Variants in RABGAP1L observed in about 807,000 individuals in gnomAD.
The protein encoded by RABGAP1L is RAB GTPase activating protein 1 like, also known as rab GTPase-activating protein 1-like.
A neutral mutation model predicts 137.7 loss-of-function variants in RABGAP1L; 63 were observed. The ratio of observed to expected loss-of-function variants is 0.46; its 90% CI spans 0.37 to 0.56. The LOEUF (loss-of-function observed/expected upper bound fraction) is 0.56, where lower values mean the gene tolerates loss of function less well. RABGAP1L is among the 20% of genes least tolerant of loss of function. The probability of loss-of-function intolerance (pLI) is 0.00; values close to 1 mark genes in which losing one functional copy is unlikely to be tolerated. For missense variants in RABGAP1L, 1,095 were observed against 1,244.0 expected (o/e 0.88, Z 1.80); for synonymous variants, 431 against 433.7 (o/e 0.99, Z 0.08).
chr1:174,250,471 TTAGG>T lies in RABGAP1L; in HGVS notation c.718-1_720del. 2 of 1,600,818 alleles carry T rather than the reference TTAGG, an allele frequency of 1.2e-6. No homozygotes were observed. The highest frequency in any genetic ancestry group is 1.7e-6 in the Non-Finnish European group (2 of 1,172,362). ...TAATGGTATTTCCTTTTTTATTCTT[TTAGG>T]TAAGCAGAATTTTGTACAGTTTCTG... On this transcript the variant is annotated splice_acceptor_variant and splice_polypyrimidine_tract_variant and coding_sequence_variant and intron_variant, in exon 6 of 26. Coordinates refer to ENST00000681986, the MANE Select transcript of RABGAP1L (RefSeq NM_001366446.1). LOFTEE classifies it high-confidence loss of function.
At chr1:174,913,272 G>A (rs945667403) in intron 19 of RABGAP1L, among the ~76,000 whole-genome samples, 13 of 152,018 alleles carry the variant, frequency 8.6e-5, no homozygotes, top group Non-Finnish European at 1.6e-4. Flanking sequence ...CACTGCGCCC[G>A]ACCTCTACAT....
At chr1:174,299,645 A>G (rs1432385541) in intron 10 of RABGAP1L, among the ~76,000 whole-genome samples, 2 of 152,220 alleles carry the variant, frequency 1.3e-5, no homozygotes, top group Non-Finnish European at 2.9e-5. Flanking sequence ...AAGGCCATAA[A>G]TAGTTCAAAA....
At chr1:174,218,360 G>A (rs1421327439) in intron 1 of RABGAP1L, among the ~76,000 whole-genome samples, 3 of 152,100 alleles carry the variant, frequency 2.0e-5, no homozygotes, top group Non-Finnish European at 2.9e-5. Flanking sequence ...TAACCTCAGG[G>A]CTGAGTTGTG....
At chr1:174,191,291 CA>C (rs1667195734) in intron 1 of RABGAP1L, among the ~76,000 whole-genome samples, 1 of 152,088 alleles carries the variant, frequency 6.6e-6, no homozygotes, top group Non-Finnish European at 1.5e-5. Flanking sequence ...AAAGGAAAAA[CA>C]AAAATCATTT....
chr1:174,716,043 T>C (rs1179424793), intron 17 of RABGAP1L, among the ~76,000 whole-genome samples: 2 of 152,380 alleles, frequency 1.3e-5, no homozygotes, highest in East Asian at 3.9e-4. Context: ...TCCATATGCT[T>C]TACATCATCT....
At chr1:174,418,008 A>T (rs561575504) in intron 13 of RABGAP1L, among the ~76,000 whole-genome samples, 58 of 152,238 alleles carry the variant, frequency 3.8e-4, no homozygotes, top group Non-Finnish European at 7.1e-4. Flanking sequence ...GTTTCCATTA[A>T]TAAATAGTAC....
intron 13 of RABGAP1L, among the ~76,000 whole-genome samples, chr1:174,460,697 T>C (rs1334462265): frequency 6.6e-6 from 1 of 152,176 alleles, no homozygotes; most frequent in Non-Finnish European, 1.5e-5. Context: ...TGATGATTCA[T>C]TGCAAACTTG....
chr1:174,702,938 T>C (rs1209947579), intron 17 of RABGAP1L, among the ~76,000 whole-genome samples: 1 of 152,108 alleles, frequency 6.6e-6, no homozygotes, highest in Non-Finnish European at 1.5e-5. Context: ...TTAGCAGTAA[T>C]AGGGAATTTG....
chr1:174,632,602 T>C (rs905468049), intron 13 of RABGAP1L, among the ~76,000 whole-genome samples: 4 of 150,024 alleles, frequency 2.7e-5, no homozygotes, highest in African/African-American at 1.0e-4. Context: ...CTTTTTATTC[T>C]TTTTTCTCTA....
chr1:174,302,603 G>T lies in RABGAP1L; in HGVS notation c.1324-2383G>T, dbSNP rs147509538. Among the ~76,000 whole-genome samples, 4 of 152,302 alleles carry T rather than the reference G, an allele frequency of 2.6e-5. No individual in the cohort carries two copies. In the East Asian group the frequency reaches 7.7e-4, roughly 29 times the overall value. ...GCAAGAGATAGTTTGGAGAGAAGAG[G>T]CTTGCCCATAAGAAAAGGATAGGCT... On this transcript the variant is annotated intron_variant, in intron 10 of 25. Transcript: ENST00000681986.
At chr1:174,276,000 G>T in intron 9 of RABGAP1L, 65 bp downstream of exon 9, 1 of 1,354,104 alleles carries the variant, frequency 7.4e-7, no homozygotes, top group Non-Finnish European at 1.0e-6. Flanking sequence ...AATGTTGCTT[G>T]TCATGTTTTA....
chr1:174,330,131 A>G (rs905518787), intron 11 of RABGAP1L, among the ~76,000 whole-genome samples: 4 of 152,190 alleles, frequency 2.6e-5, no homozygotes, highest in Non-Finnish European at 4.4e-5. Flanking sequence ...TGCAGACAAT[A>G]TGATTATCTA....
At chr1:174,327,956 A>AATATATATATATATACAC (rs1680586524) in intron 11 of RABGAP1L, among the ~76,000 whole-genome samples, 3 of 97,970 alleles carry the variant, frequency 3.1e-5, no homozygotes, top group African/African-American at 9.0e-5. Context: ...AACAGTTGTA[A>AATATATATATATATACAC]ATATATATAT....
At chr1:174,967,330 ATT>A (rs35787924) in intron 20 of RABGAP1L, among the ~76,000 whole-genome samples, 2,202 of 115,788 alleles carry the variant, frequency 0.019, 24 homozygotes, top group South Asian at 0.031. Flanking sequence ...CACCCAGCTA[ATT>A]TTTTTTTTTT....
chr1:174,445,534 C>G (rs1685286507), intron 13 of RABGAP1L, among the ~76,000 whole-genome samples: 1 of 152,032 alleles, frequency 6.6e-6, no homozygotes, highest in Non-Finnish European at 1.5e-5. Context: ...TTTGTTTGTA[C>G]AGTTAAATAC....
intron 13 of RABGAP1L, among the ~76,000 whole-genome samples, chr1:174,625,073 C>T (rs1672846002): frequency 6.6e-6 from 1 of 151,930 alleles, no homozygotes; most frequent in African/African-American, 2.4e-5. Context: ...GGGGTTTCAC[C>T]ATCTTGGCCA....
At chr1:174,988,059 T>C (rs962393204) in intron 24 of RABGAP1L, among the ~76,000 whole-genome samples, 3 of 152,208 alleles carry the variant, frequency 2.0e-5, no homozygotes, top group Non-Finnish European at 2.9e-5. Context: ...TCTGCCTGCC[T>C]TGGACTCCCA....
At chr1:174,432,356 G>A (rs1045285782) in intron 13 of RABGAP1L, among the ~76,000 whole-genome samples, 9 of 152,082 alleles carry the variant, frequency 5.9e-5, no homozygotes, top group African/African-American at 2.2e-4. Context: ...CAGTCTGCTA[G>A]CATAAAACAT....
intron 13 of RABGAP1L, among the ~76,000 whole-genome samples, chr1:174,621,306 C>T (rs1285703439): frequency 1.3e-5 from 2 of 152,134 alleles, no homozygotes; most frequent in Non-Finnish European, 2.9e-5. Context: ...TCAATGCCAT[C>T]CCCATCAAGC....
Sources: allele counts gnomAD v4.1 joint callset (sites outside exome capture counted in the v4.1 genomes callset), GRCh38; gene constraint gnomAD v4.1.1; transcripts MANE v1.5; gene names NCBI Gene and HGNC (gene_info 2026-07-23, HGNC 2026-07-21).